Variants in XRCC4 observed in about 807,000 individuals in gnomAD.
XRCC4 encodes the protein X-ray repair cross complementing 4.
A neutral mutation model predicts 39.1 loss-of-function variants in XRCC4; 28 were observed. The observed-to-expected ratio is 0.72, with a 90% CI of 0.53 to 0.98. The LOEUF (loss-of-function observed/expected upper bound fraction) is 0.98, where lower values mean the gene tolerates loss of function less well. Among genes scored for constraint, XRCC4 ranks in the 50% least tolerant of loss-of-function variants. XRCC4 has a pLI of 0.00. For synonymous variants in XRCC4, 123 were observed against 126.4 expected (o/e 0.97, Z 0.18); for missense variants, 350 against 376.4 (o/e 0.93, Z 0.58).
Position 83,353,079 on chromosome 5 carries a change from A to G in XRCC4, c.894-52A>G, listed in dbSNP as rs535525082. ...GTGTCTCTTCATTTTCTTTTACTCT[A>G]TAACAGAAGTTTTTAAAAATAAAAC... On this transcript the variant is annotated intron_variant, in intron 7 of 7. Transcript: ENST00000396027. 2.6e-5 allele frequency: 37 copies of G among 1,423,188 alleles called. No individual in the cohort carries two copies. The East Asian group carries it at 7.3e-4, about 28-fold the overall frequency. 88.2% of individuals were successfully genotyped at this position (1,423,188 alleles called of 1,614,324 possible).
chr5:83,141,308 C>T (rs1748162781), intron 3 of XRCC4, among the ~76,000 whole-genome samples: 1 of 152,116 alleles, frequency 6.6e-6, no homozygotes, highest in Non-Finnish European at 1.5e-5. Flanking sequence ...TTTATCTTTT[C>T]AGGTGAATTC....
intron 3 of XRCC4, among the ~76,000 whole-genome samples, chr5:83,149,262 G>A (rs1305767545): frequency 3.3e-5 from 5 of 152,024 alleles, no homozygotes; most frequent in African/African-American, 9.7e-5. Context: ...GCTTACTTTG[G>A]CCTGTTTTTC....
At chr5:83,203,349 T>G (rs1052302691) in intron 4 of XRCC4, among the ~76,000 whole-genome samples, 3 of 152,186 alleles carry the variant, frequency 2.0e-5, no homozygotes, top group Non-Finnish European at 2.9e-5. Flanking sequence ...TTGATCCTTA[T>G]CTCAGTAAAT....
At chr5:83,238,412 C>A (rs368732898) in intron 6 of XRCC4, among the ~76,000 whole-genome samples, 108 of 152,192 alleles carry the variant, frequency 7.1e-4, no homozygotes, top group African/African-American at 2.5e-3. Context: ...AAACAATAAG[C>A]CTTCACACCC....
At chr5:83,246,446 T>C (rs1193205737) in intron 6 of XRCC4, among the ~76,000 whole-genome samples, 1 of 152,152 alleles carries the variant, frequency 6.6e-6, no homozygotes, top group Non-Finnish European at 1.5e-5. Flanking sequence ...GATTAACAAA[T>C]CTGGCAACAT....
At chr5:83,309,296 A>AAATAT (rs1561467702) in intron 7 of XRCC4, among the ~76,000 whole-genome samples, 4 of 72,218 alleles carry the variant, frequency 5.5e-5, no homozygotes, top group African/African-American at 8.5e-5. Flanking sequence ...AAAAAAAAAA[A>AAATAT]ATATATATAT....
chr5:83,369,991 T>C, the XRCC4 span, among the ~76,000 whole-genome samples: 1 of 152,192 alleles, frequency 6.6e-6, no homozygotes, highest in Non-Finnish European at 1.5e-5. Flanking sequence ...TTTGAAAATA[T>C]GAGTCTTTTT....
chr5:83,123,018 T>C (rs977346569), intron 3 of XRCC4, among the ~76,000 whole-genome samples: 7 of 125,094 alleles, frequency 5.6e-5, no homozygotes, highest in Middle Eastern at 3.8e-3. Flanking sequence ...TTGGGTGTTA[T>C]TAGATGTTTG....
At chr5:83,151,032 A>G (rs1561364954) in intron 3 of XRCC4, among the ~76,000 whole-genome samples, 1 of 152,078 alleles carries the variant, frequency 6.6e-6, no homozygotes, top group Non-Finnish European at 1.5e-5. Context: ...TTAAAATAAG[A>G]TTTATTTAAA....
chr5:83,220,602 T>C (rs950481936), intron 6 of XRCC4, among the ~76,000 whole-genome samples: 2 of 152,114 alleles, frequency 1.3e-5, no homozygotes, highest in African/African-American at 4.8e-5. Context: ...ATGCATGGTG[T>C]GGTGAAACAG....
In XRCC4 at chr5:83,194,517, T is replaced by C. The variant is rs138577922; in HGVS notation, c.316-1253T>C. Among the ~76,000 whole-genome samples the C allele has an allele frequency of 1.4e-4, 21 of 152,298 alleles. 1 individual carries two copies. Among genetic ancestry groups the C allele is most frequent in the African/African-American group, 5.1e-4 (21 of 41,566 alleles). On this transcript the variant is annotated intron_variant, in intron 3 of 7. Transcript: ENST00000396027. ...GTAATAAAGATTTGTCTCAAAATTA[T>C]CAACCATATTAAATATTTCTTAATC... is the stretch of plus-strand genomic sequence containing the variant.
chr5:83,121,562 C>T (rs550028599), intron 3 of XRCC4, among the ~76,000 whole-genome samples: 1 of 152,224 alleles, frequency 6.6e-6, no homozygotes, highest in Non-Finnish European at 1.5e-5. Context: ...TCTATAGTGA[C>T]ATATTTGTTT....
At chr5:83,237,548 G>C (rs58781124) in intron 6 of XRCC4, among the ~76,000 whole-genome samples, 6,587 of 152,128 alleles carry the variant, frequency 0.043, 450 homozygotes, top group African/African-American at 0.15. Flanking sequence ...AGAGTAGAAT[G>C]ATGGCTACCA....
intron 7 of XRCC4, among the ~76,000 whole-genome samples, chr5:83,347,105 G>C (rs17567561): frequency 0.1 from 15,521 of 152,044 alleles, 1,399 homozygotes; most frequent in East Asian, 0.49. Flanking sequence ...TGAACTAATA[G>C]TACATCAAAA....
chr5:83,112,458 C>T (rs1561334037), intron 3 of XRCC4, among the ~76,000 whole-genome samples: 1 of 152,156 alleles, frequency 6.6e-6, no homozygotes, highest in African/African-American at 2.4e-5. Context: ...CTGTTTCACA[C>T]ATATTGATAC....
At chr5:83,201,342 T>A (rs1035551117) in intron 4 of XRCC4, 3 of 152,320 alleles carry the variant, frequency 2.0e-5, no homozygotes, top group Non-Finnish European at 4.4e-5. Context: ...GACATGGGAC[T>A]GGGCAAGCCC....
chr5:83,193,725 A>C (rs1256120537), intron 3 of XRCC4, among the ~76,000 whole-genome samples: 1 of 152,238 alleles, frequency 6.6e-6, no homozygotes, highest in Non-Finnish European at 1.5e-5. Context: ...AATGTTAAAA[A>C]AAACTTTTTA....
At chr5:83,306,649 CAAA>C (rs1755498221) in intron 7 of XRCC4, among the ~76,000 whole-genome samples, 1 of 152,158 alleles carries the variant, frequency 6.6e-6, no homozygotes, top group East Asian at 1.9e-4. Context: ...TTAGGCTTTT[CAAA>C]TTAAGCAATA....
At chr5:83,163,953 G>A (rs1246258787) in intron 3 of XRCC4, among the ~76,000 whole-genome samples, 1 of 152,166 alleles carries the variant, frequency 6.6e-6, no homozygotes, top group Non-Finnish European at 1.5e-5. Context: ...TTTTATTAAT[G>A]TGGAGAATTG....
Sources: gnomAD v4.1 joint callset for allele counts (sites outside exome capture counted in the v4.1 genomes callset) on GRCh38, gnomAD v4.1.1 for gene constraint, MANE v1.5 for transcripts, NCBI Gene and HGNC (gene_info 2026-07-23, HGNC 2026-07-21) for gene names.